CCDC178: variants seen among roughly 807,000 people sequenced by gnomAD.
CCDC178 encodes coiled-coil domain containing 178, also known as coiled-coil domain-containing protein 178.
CCDC178 carries 126 observed loss-of-function variants against 117.4 expected under a neutral mutation model. That is an observed-to-expected ratio of 1.07 (90% CI 0.93 to 1.24). The LOEUF (loss-of-function observed/expected upper bound fraction) is 1.24, where lower values mean the gene tolerates loss of function less well. CCDC178 is among the 50% of genes most tolerant of loss of function. The pLI is 0.00. For synonymous variants in CCDC178, 283 were observed against 313.4 expected (o/e 0.90, Z 1.02); for missense variants, 1,030 against 986.9 (o/e 1.04, Z -0.59).
chr18:32,941,202 G>A (rs967385120), intron 22 of CCDC178, among the ~76,000 whole-genome samples: 1 of 151,896 alleles, frequency 6.6e-6, no homozygotes, highest in African/African-American at 2.4e-5. Flanking sequence ...TCTATGAGCC[G>A]TTTGCCGGAA....
chr18:33,174,070 C>A (rs2058635426), intron 20 of CCDC178, among the ~76,000 whole-genome samples: 1 of 152,120 alleles, frequency 6.6e-6, no homozygotes, highest in Non-Finnish European at 1.5e-5. Context: ...GTACAGGAAG[C>A]ACAGTGGCAT....
intron 20 of CCDC178, among the ~76,000 whole-genome samples, chr18:33,187,086 GGAGAGAGA>G (rs58400297): frequency 8.6e-5 from 12 of 139,904 alleles, no homozygotes; most frequent in East Asian, 4.4e-4. Context: ...CATGGCGGCA[GGAGAGAGA>G]GAGAGAGAGA....
At chr18:33,403,004 T>A (rs761569018) in intron 3 of CCDC178, among the ~76,000 whole-genome samples, 64 of 152,244 alleles carry the variant, frequency 4.2e-4, no homozygotes, top group Middle Eastern at 3.2e-3. Context: ...AGTTGAGAAC[T>A]AGTGCAATAG....
intron 20 of CCDC178, among the ~76,000 whole-genome samples, chr18:33,110,508 T>C (rs1165596155): frequency 1.3e-5 from 2 of 151,650 alleles, no homozygotes; most frequent in Non-Finnish European, 3.0e-5. Context: ...GGTTTTTCCC[T>C]AAAAGCTTTA....
At chr18:33,137,296 A>G (rs1346725680) in intron 20 of CCDC178, among the ~76,000 whole-genome samples, 2 of 152,184 alleles carry the variant, frequency 1.3e-5, no homozygotes, top group African/African-American at 4.8e-5. Flanking sequence ...CAAGTAATAT[A>G]TTGTTTTTCT....
chr18:33,168,477 C>T (rs944796416), intron 20 of CCDC178, among the ~76,000 whole-genome samples: 2 of 152,016 alleles, frequency 1.3e-5, no homozygotes, highest in African/African-American at 4.8e-5. Flanking sequence ...AAAATACTTG[C>T]AAACAAGTTA....
chr18:32,966,065 T>C (rs1250333937), intron 22 of CCDC178, among the ~76,000 whole-genome samples: 1 of 151,448 alleles, frequency 6.6e-6, no homozygotes, highest in South Asian at 2.1e-4. Context: ...TACAACATTT[T>C]ATATTTTAAA....
In CCDC178 at chr18:33,403,201, T is replaced by C. The variant is rs138465470; in HGVS notation, c.59-5993A>G. Among the ~76,000 whole-genome samples, 558 of 152,264 alleles carry C rather than the reference T, an allele frequency of 3.7e-3. 6 individuals are homozygous for C. Among genetic ancestry groups the C allele is most frequent in the South Asian group, 9.1e-3 (44 of 4,822 alleles). On this transcript the variant is annotated intron_variant, in intron 3 of 22. Coordinates refer to ENST00000383096, the MANE Select transcript of CCDC178 (RefSeq NM_001105528.4). ...CAAGTCCTTGGATGAGTGTTGAAGA[T>C]GTATCTGAACATGCACATAAAGATG...
intron 11 of CCDC178, among the ~76,000 whole-genome samples, chr18:33,314,479 T>TA (rs2062391162): frequency 6.6e-6 from 1 of 152,080 alleles, no homozygotes. Flanking sequence ...ATGTCCTTGT[T>TA]AAAAATGAGA....
At position 32,965,347 on chromosome 18, in the gene CCDC178, T is replaced by G. The variant is rs543140141; in HGVS notation, c.2523+9200A>C. The stretch of plus-strand genomic sequence containing the variant: ...GAAATAAAGAATGCTATGCATTTAT[T>G]TTTACCTAACTAAGGTCATTTGGTT... On this transcript the variant is annotated intron_variant, in intron 22 of 22. Coordinates refer to ENST00000383096, the MANE Select transcript of CCDC178 (RefSeq NM_001105528.4). 1.1e-3 allele frequency among the ~76,000 whole-genome samples: 162 copies of G among 152,082 alleles called. 3 individuals carry two copies. In the South Asian group the frequency reaches 0.033, roughly 31 times the overall value.
chr18:33,364,262 C>T (rs538123400), intron 6 of CCDC178, among the ~76,000 whole-genome samples: 3 of 151,918 alleles, frequency 2.0e-5, no homozygotes, highest in East Asian at 3.9e-4. Context: ...TGTATATGTA[C>T]GTATGTGCAT....
At chr18:33,333,142 T>C (rs1275650366) in intron 10 of CCDC178, 32 bp downstream of exon 10, 6 of 1,327,618 alleles carry the variant, frequency 4.5e-6, no homozygotes, top group African/African-American at 1.5e-5. Context: ...TAAGTAATAA[T>C]TTATGAAATG....
chr18:33,199,982 T>C (rs748312425), intron 20 of CCDC178, among the ~76,000 whole-genome samples: 1 of 152,138 alleles, frequency 6.6e-6, no homozygotes, highest in Non-Finnish European at 1.5e-5. Flanking sequence ...ATATATATAT[T>C]TGGACAATTC....
chr18:33,402,020 T>C (rs933429427), intron 3 of CCDC178, among the ~76,000 whole-genome samples: 1 of 152,136 alleles, frequency 6.6e-6, no homozygotes, highest in Admixed American at 6.5e-5. Flanking sequence ...GTGGTAATAC[T>C]GATAAACAGT....
intron 20 of CCDC178, among the ~76,000 whole-genome samples, chr18:33,164,781 G>C (rs1449919326): frequency 1.3e-5 from 2 of 152,150 alleles, no homozygotes; most frequent in Non-Finnish European, 1.5e-5. Flanking sequence ...CCGGAAATGG[G>C]AGGGTATTTT....
At chr18:33,362,799 G>A (rs1188801760) in intron 6 of CCDC178, among the ~76,000 whole-genome samples, 1 of 151,860 alleles carries the variant, frequency 6.6e-6, no homozygotes, top group African/African-American at 2.4e-5. Context: ...ATGGATATGG[G>A]GTTTTATTCT....
At chr18:33,019,492 C>A (rs1417071533) in intron 21 of CCDC178, among the ~76,000 whole-genome samples, 2 of 152,156 alleles carry the variant, frequency 1.3e-5, no homozygotes, top group East Asian at 3.9e-4. Context: ...GACAATCAAC[C>A]TGTACACTTG....
chr18:33,336,453 A>C (rs1391976784), intron 9 of CCDC178, among the ~76,000 whole-genome samples: 1 of 152,066 alleles, frequency 6.6e-6, no homozygotes, highest in Non-Finnish European at 1.5e-5. Context: ...GCCATGCTAC[A>C]TTTCTTATGT....
intron 21 of CCDC178, among the ~76,000 whole-genome samples, chr18:33,020,119 T>TG (rs1330550385): frequency 1.3e-5 from 2 of 149,500 alleles, no homozygotes; most frequent in East Asian, 2.0e-4. Flanking sequence ...ATAATTGGTT[T>TG]TTTTTTTTTT....
Sources: allele counts gnomAD v4.1 joint callset (sites outside exome capture counted in the v4.1 genomes callset), GRCh38; gene constraint gnomAD v4.1.1; transcripts MANE v1.5; gene names NCBI Gene and HGNC (gene_info 2026-07-23, HGNC 2026-07-21).